Variants in CCDC85A observed in about 807,000 individuals in gnomAD.
CCDC85A encodes the protein coiled-coil domain containing 85A, also known as coiled-coil domain-containing protein 85A.
In CCDC85A, 38 loss-of-function variants were observed where a neutral mutation model predicts 50.2. The ratio of observed to expected loss-of-function variants is 0.76; its 90% CI spans 0.58 to 0.99. CCDC85A has a LOEUF of 0.99. Among genes scored for constraint, CCDC85A ranks in the 50% least tolerant of loss-of-function variants. CCDC85A has a pLI of 0.00. For missense variants in CCDC85A, 820 were observed against 742.0 expected, an observed-to-expected ratio of 1.11 and a Z score of -1.22; for synonymous variants, 366 against 301.4, an observed-to-expected ratio of 1.21 and a Z score of -2.22.
At chr2:56,200,715 G>T (rs1676697906) in intron 2 of CCDC85A, among the ~76,000 whole-genome samples, 1 of 152,154 alleles carries the variant, frequency 6.6e-6, no homozygotes, top group African/African-American at 2.4e-5. Flanking sequence ...GGCAATACTG[G>T]TTTGTTGTTC....
intron 2 of CCDC85A, among the ~76,000 whole-genome samples, chr2:56,211,444 TTGC>T (rs1677174944): frequency 1.3e-5 from 2 of 152,220 alleles, no homozygotes; most frequent in Middle Eastern, 3.4e-3. Context: ...AGCCATTTGC[TTGC>T]TATTATTTTT....
intron 2 of CCDC85A, among the ~76,000 whole-genome samples, chr2:56,219,545 A>G (rs1668230148): frequency 6.6e-6 from 1 of 151,628 alleles, no homozygotes; most frequent in Non-Finnish European, 1.5e-5. Context: ...TTGCGTTCCA[A>G]CTATTCAATA....
At chr2:56,219,464 C>A (rs530390678) in intron 2 of CCDC85A, among the ~76,000 whole-genome samples, 4 of 151,722 alleles carry the variant, frequency 2.6e-5, no homozygotes, top group African/African-American at 9.7e-5. Flanking sequence ...AGTGTCTAGG[C>A]TCATTTTGAA....
chr2:56,205,856 G>A lies in CCDC85A; in HGVS notation c.1240+12416G>A, dbSNP rs13417335. ...GAAGGAGGTAAGTAACAATAAAGAT[G>A]TATGGTTAAGCAAGAAAATGGAAAG... On this transcript the variant is annotated intron_variant, in intron 2 of 5. Transcript: ENST00000407595. Among the ~76,000 whole-genome samples, 456 of 152,264 alleles carry A rather than the reference G, an allele frequency of 3.0e-3. 1 individual carries two copies. The highest frequency in any genetic ancestry group is 0.01 in the African/African-American group (432 of 41,554).
In CCDC85A at chr2:56,214,080, C is replaced by T. The variant is rs1035472892; in HGVS notation, c.1240+20640C>T. Among the ~76,000 whole-genome samples, 13 of 151,908 alleles carry T rather than the reference C, an allele frequency of 8.6e-5. No individual in the cohort carries two copies. In the South Asian group the frequency reaches 1.0e-3, roughly 12 times the overall value. ...AACATTTTACTGAGACAAGACTACA[C>T]GGATAAGTACAGCCTTCTAAGGAAA... is the stretch of plus-strand genomic sequence containing the variant. On this transcript the variant is annotated intron_variant, in intron 2 of 5. Transcript: ENST00000407595.
Position 56,248,492 on chromosome 2 carries a change from G to A in CCDC85A, c.1240+55052G>A, listed in dbSNP as rs547901537. 2.5e-3 allele frequency among the ~76,000 whole-genome samples: 379 copies of A among 152,106 alleles called. 1 individual carries two copies. Among genetic ancestry groups the A allele is most frequent in the African/African-American group, 8.3e-3 (343 of 41,498 alleles). ...TCTGCCTTGTGGCTGGCCTATCTCC[G>A]GAGGCCTCAGTTTCCACTCAAAGTC... On this transcript the variant is annotated intron_variant, in intron 2 of 5. Transcript: ENST00000407595.
At chr2:56,323,110 CAG>C (rs1413616337) in intron 2 of CCDC85A, among the ~76,000 whole-genome samples, 1 of 152,038 alleles carries the variant, frequency 6.6e-6, no homozygotes, top group African/African-American at 2.4e-5. Flanking sequence ...CACATGGACA[CAG>C]GGTGGGGAAC....
intron 2 of CCDC85A, among the ~76,000 whole-genome samples, chr2:56,208,654 C>A (rs986839273): frequency 2.0e-5 from 3 of 152,012 alleles, no homozygotes; most frequent in South Asian, 2.1e-4. Context: ...GAGAAGCTTT[C>A]ACAGTGATTT....
At position 56,184,601 on chromosome 2, in the gene CCDC85A, T is replaced by C; in HGVS notation, c.-24T>C. On this transcript the variant is annotated 5_prime_UTR_variant, in exon 1 of 6. Transcript: ENST00000407595. ...AGTCGCCTCGCCTCTTCCACCCACTTGCACCTGCCACCCCGCGGATACCAT... is the reference window on the plus strand; with the variant it reads ...AGTCGCCTCGCCTCTTCCACCCACTCGCACCTGCCACCCCGCGGATACCAT... The C allele has an allele frequency of 7.1e-7, 1 of 1,408,704 alleles. No individual in the cohort carries two copies. The allele number at this position is 1,408,704 out of a possible 1,614,324, so 87.3% of individuals were successfully genotyped here.
Position 56,192,809 on chromosome 2 carries a change from C to T in CCDC85A, c.609C>T (p.Tyr203=), listed in dbSNP as rs765232018. ...LCQLTASTAP[Y]VRDVGDGSST... ...AACTCACAGCCTCCACCGCACCCTA[C>T]GTGCGGGATGTGGGTGACGGCAGCA... The change falls in exon 2 of 6, where the codon TAC becomes TAT. Residue 203 remains tyrosine, a synonymous_variant. Coordinates refer to ENST00000407595, the MANE Select transcript of CCDC85A (RefSeq NM_001080433.2). This position sits in a 1 kb window ranked among gnomAD's most constrained non-coding sequence, Gnocchi z 4.7. The T allele has an allele frequency of 3.7e-6, 6 of 1,613,278 alleles. No homozygotes were observed. Among genetic ancestry groups the T allele is most frequent in the South Asian group, 2.2e-5 (2 of 91,036 alleles).
chr2:56,219,236 A>G (rs1173234285), intron 2 of CCDC85A, among the ~76,000 whole-genome samples: 1 of 147,876 alleles, frequency 6.8e-6, no homozygotes, highest in Non-Finnish European at 1.5e-5. Context: ...ATGCCATACG[A>G]GATGCGAAGA....
chr2:56,228,092 T>A (rs1668616480), intron 2 of CCDC85A, among the ~76,000 whole-genome samples: 1 of 152,204 alleles, frequency 6.6e-6, no homozygotes, highest in South Asian at 2.1e-4. Flanking sequence ...TCATTGGGCA[T>A]CAGAGAATAA....
At chr2:56,381,641 T>C (rs1676590605) in intron 5 of CCDC85A, among the ~76,000 whole-genome samples, 1 of 152,104 alleles carries the variant, frequency 6.6e-6, no homozygotes, top group African/African-American at 2.4e-5. Context: ...TTTGAGGACC[T>C]TTCCTGAGGA....
chr2:56,227,103 T>C lies in CCDC85A; in HGVS notation c.1240+33663T>C, dbSNP rs376575574. ...ACTTGAGTAGCTGCATAGAATCCTC[T>C]TTTATTATTAGTCAGGCTTCTGAAA... On this transcript the variant is annotated intron_variant, in intron 2 of 5. Coordinates refer to ENST00000407595, the MANE Select transcript of CCDC85A (RefSeq NM_001080433.2). 5.2e-4 allele frequency among the ~76,000 whole-genome samples: 79 copies of C among 152,368 alleles called. 2 individuals carry two copies. The South Asian group carries it at 0.016, about 30-fold the overall frequency.
chr2:56,192,573 G>T lies in CCDC85A; in HGVS notation c.373G>T (p.Glu125Ter). 6.2e-7 allele frequency: 1 copy of T among 1,613,970 alleles called. No individual in the cohort carries two copies. The highest frequency in any genetic ancestry group is 8.5e-7 in the Non-Finnish European group (1 of 1,179,884). Residue 125 changes from glutamate to a stop codon, truncating the protein, a stop_gained, in exon 2 of 6, where the codon GAG becomes TAG. Coordinates refer to ENST00000407595, the MANE Select transcript of CCDC85A (RefSeq NM_001080433.2). LOFTEE classifies it high-confidence loss of function. The surrounding 1 kb of genome is among the most constrained non-coding windows in gnomAD (Gnocchi z 4.7). ...DRQKGKRVSR[E>*]WQRLGRYTAG... ...GCAGAAAGGCAAGAGGGTGTCTCGG[G>T]AGTGGCAGAGACTGGGTCGCTACAC... is the stretch of plus-strand genomic sequence containing the variant.
intron 2 of CCDC85A, among the ~76,000 whole-genome samples, chr2:56,251,498 C>G (rs1394309954): frequency 2.0e-5 from 3 of 152,088 alleles, no homozygotes; most frequent in African/African-American, 7.2e-5. Flanking sequence ...TCTGCTGTTT[C>G]TTTTTCCTTC....
chr2:56,192,676 T>TG lies in CCDC85A; in HGVS notation c.477dup (p.Lys160GlufsTer15). 6.2e-7 allele frequency: 1 copy of TG among 1,613,514 alleles called. No individual in the cohort carries two copies. Among genetic ancestry groups the TG allele is most frequent in the East Asian group, 2.2e-5 (1 of 44,838 alleles). On this transcript the variant is annotated frameshift_variant, in exon 2 of 6. Coordinates refer to ENST00000407595, the MANE Select transcript of CCDC85A (RefSeq NM_001080433.2). LOFTEE classifies it high-confidence loss of function. This position sits in a 1 kb window ranked among gnomAD's most constrained non-coding sequence, Gnocchi z 4.7. ...CTGGAGGTGAAGCAGGAGGAAGTGG[T>TG]GAAGGAGAACATGGAGCTCAAGGAG...
At chr2:56,324,676 C>T (rs770357110) in intron 2 of CCDC85A, among the ~76,000 whole-genome samples, 1 of 152,070 alleles carries the variant, frequency 6.6e-6, no homozygotes, top group South Asian at 2.1e-4. Flanking sequence ...ACATTATTCA[C>T]AATTGTGTTT....
chr2:56,333,331 C>T (rs914456317), intron 2 of CCDC85A, among the ~76,000 whole-genome samples: 3 of 152,008 alleles, frequency 2.0e-5, no homozygotes, highest in Admixed American at 2.0e-4. Context: ...ACAGAGCATT[C>T]CAGGAAGAGG....
Sources: gnomAD v4.1 joint callset for allele counts (sites outside exome capture counted in the v4.1 genomes callset) on GRCh38, gnomAD v4.1.1 for gene constraint, Gnocchi (gnomAD v3.1) non-coding constraint, MANE v1.5 for transcripts, NCBI Gene and HGNC (gene_info 2026-07-23, HGNC 2026-07-21) for gene names.